Variants in LRRFIP1 observed in about 807,000 individuals in gnomAD.
LRRFIP1 encodes leucine-rich repeat flightless-interacting protein 1.
A neutral mutation model predicts 104.4 loss-of-function variants in LRRFIP1; 62 were observed. That is an observed-to-expected ratio of 0.59 (90% CI 0.48 to 0.73). LRRFIP1 has a LOEUF of 0.73. LRRFIP1 is among the 30% of genes least tolerant of loss of function. The pLI is 0.00. For missense variants in LRRFIP1, 796 were observed against 824.5 expected (o/e 0.97, Z 0.42); for synonymous variants, 300 against 299.0 (o/e 1.00, Z -0.03).
chr2:237,629,541 G>A (rs1269792606), intron 1 of LRRFIP1, among the ~76,000 whole-genome samples: 8 of 143,762 alleles, frequency 5.6e-5, no homozygotes, highest in Non-Finnish European at 7.5e-5. Context: ...GTATGATCTC[G>A]GCTCACTGCA....
intron 1 of LRRFIP1, among the ~76,000 whole-genome samples, chr2:237,646,281 A>G (rs1275624008): frequency 6.6e-6 from 1 of 151,820 alleles, no homozygotes; most frequent in Non-Finnish European, 1.5e-5. Flanking sequence ...GTTCAGGCAT[A>G]CATATGCAGG....
chr2:237,741,783 G>A (rs1295157366), intron 11 of LRRFIP1, among the ~76,000 whole-genome samples: 2 of 151,444 alleles, frequency 1.3e-5, no homozygotes, highest in African/African-American at 2.4e-5. Context: ...AGCTGAGATC[G>A]CACCACTGCA....
chr2:237,653,949 A>G (rs1029503841), intron 1 of LRRFIP1, among the ~76,000 whole-genome samples: 1 of 152,248 alleles, frequency 6.6e-6, no homozygotes, highest in Non-Finnish European at 1.5e-5. Context: ...TCCAAAAACA[A>G]TGATTTTTTT....
At chr2:237,712,673 TCA>T (rs1420137872) in intron 2 of LRRFIP1, among the ~76,000 whole-genome samples, 4 of 152,158 alleles carry the variant, frequency 2.6e-5, no homozygotes, top group East Asian at 1.9e-4. Context: ...GCATGTGCGC[TCA>T]CACACGTGAG....
chr2:237,645,300 C>T (rs1221547362), intron 1 of LRRFIP1, among the ~76,000 whole-genome samples: 1 of 152,190 alleles, frequency 6.6e-6, no homozygotes, highest in Non-Finnish European at 1.5e-5. Context: ...AACTTGAGAG[C>T]AGGGACTGGG....
intron 1 of LRRFIP1, among the ~76,000 whole-genome samples, chr2:237,702,787 G>C (rs1033979397): frequency 6.6e-6 from 1 of 152,142 alleles, no homozygotes; most frequent in African/African-American, 2.4e-5. Flanking sequence ...GGTGGCAGGG[G>C]GAGGGGCTTG....
chr2:237,684,480 A>G (rs533646433), intron 1 of LRRFIP1: 2 of 152,378 alleles, frequency 1.3e-5, no homozygotes, highest in African/African-American at 4.8e-5. Flanking sequence ...TCTCAAAAAA[A>G]ACAAATTGCC....
At chr2:237,680,785 C>T (rs1444526965) in intron 1 of LRRFIP1, among the ~76,000 whole-genome samples, 1 of 152,080 alleles carries the variant, frequency 6.6e-6, no homozygotes, top group Non-Finnish European at 1.5e-5. Flanking sequence ...AGTTGGAGAC[C>T]AACCTGGGCA....
chr2:237,662,039 G>T (rs547515460), intron 1 of LRRFIP1, among the ~76,000 whole-genome samples: 1 of 152,190 alleles, frequency 6.6e-6, no homozygotes, highest in Non-Finnish European at 1.5e-5. Context: ...CACAGTTCCG[G>T]AGACCGGAAG....
intron 1 of LRRFIP1, among the ~76,000 whole-genome samples, chr2:237,690,401 T>C (rs1356364159): frequency 1.3e-5 from 2 of 152,172 alleles, no homozygotes; most frequent in Admixed American, 1.3e-4. Context: ...CCAGAGAACA[T>C]TTAAAATTAT....
intron 1 of LRRFIP1, among the ~76,000 whole-genome samples, chr2:237,665,806 T>C (rs948046800): frequency 1.3e-5 from 2 of 152,216 alleles, no homozygotes; most frequent in Non-Finnish European, 2.9e-5. Context: ...CTGAAGACCC[T>C]CAAGCTGCAG....
chr2:237,734,168 GTTACTATA>G (rs1292395127), intron 9 of LRRFIP1, among the ~76,000 whole-genome samples: 6 of 150,060 alleles, frequency 4.0e-5, no homozygotes, highest in African/African-American at 1.5e-4. Context: ...ACTAATCCAT[GTTACTATA>G]TTACTTTGGA....
Position 237,748,379 on chromosome 2 carries a change from G to T in LRRFIP1, c.649G>T (p.Glu217Ter). The change falls in exon 12 of 24, where the codon GAA becomes TAA. Residue 217 changes from glutamate to a stop codon, truncating the protein, a stop_gained. Transcript: ENST00000308482. LOFTEE classifies it high-confidence loss of function. ...TCGTCTACAGGTAGAAGAGAGACCA[G>T]AAAAAGATTTTACTGAGAAGGTAAG... ...RASPVVEERPEKDFTEKGSRN... is the reference protein window; with the variant it reads ...RASPVVEERP 6.2e-7 allele frequency: 1 copy of T among 1,605,500 alleles called. No homozygotes were observed. The highest frequency in any genetic ancestry group is 1.1e-5 in the South Asian group (1 of 89,540).
chr2:237,700,432 A>G (rs1412770796), intron 1 of LRRFIP1, among the ~76,000 whole-genome samples: 1 of 152,030 alleles, frequency 6.6e-6, no homozygotes, highest in Non-Finnish European at 1.5e-5. Context: ...CATCCTTAAC[A>G]CTTTTCCAAA....
intron 19 of LRRFIP1, chr2:237,765,760 T>G: frequency 1.0e-6 from 1 of 957,452 alleles, no homozygotes; most frequent in Non-Finnish European, 1.2e-6. Context: ...CACAAAGGAA[T>G]GTACCTTATG....
In LRRFIP1 at chr2:237,753,444, G is replaced by A. The variant is rs779891155; in HGVS notation, c.1003G>A (p.Ala335Thr). Reference protein sequence around the residue: ...DMLLELEEQLAESRRQYEEKN... With the variant: ...DMLLELEEQLTESRRQYEEKN... ...GTTGCTGGAGCTTGAAGAACAGCTG[G>A]CTGAATCTAGGCGGCAGTACGAAGA... is the stretch of plus-strand genomic sequence containing the variant. The change falls in exon 15 of 24, where the codon GCT becomes ACT. Residue 335 changes from alanine to threonine, a missense_variant. Physicochemically the swap from Ala to Thr is moderately conservative, Grantham distance 58 (BLOSUM62 0). Transcript: ENST00000308482. 6.3e-7 allele frequency: 1 copy of A among 1,596,508 alleles called. No individual in the cohort carries two copies. Among genetic ancestry groups the A allele is most frequent in the Non-Finnish European group, 8.5e-7 (1 of 1,176,034 alleles).
At chr2:237,764,355 C>A (rs1198023610) in intron 19 of LRRFIP1, 2 of 1,475,470 alleles carry the variant, frequency 1.4e-6, no homozygotes, top group Non-Finnish European at 9.0e-7. Context: ...TATTTGTTAT[C>A]AGTGTACGTT....
chr2:237,644,241 C>T (rs1376293263), intron 1 of LRRFIP1, among the ~76,000 whole-genome samples: 1 of 152,246 alleles, frequency 6.6e-6, no homozygotes, highest in Non-Finnish European at 1.5e-5. Context: ...CCTAAAAAGG[C>T]AATCATTGTG....
intron 1 of LRRFIP1, among the ~76,000 whole-genome samples, chr2:237,657,405 C>T (rs2086998551): frequency 6.6e-6 from 1 of 152,116 alleles, no homozygotes; most frequent in Non-Finnish European, 1.5e-5. Context: ...CCCCAGAAAA[C>T]ATAGAGATAG....
Sources: allele counts gnomAD v4.1 joint callset (sites outside exome capture counted in the v4.1 genomes callset), GRCh38; gene constraint gnomAD v4.1.1; transcripts MANE v1.5; gene names NCBI Gene and HGNC (gene_info 2026-07-23, HGNC 2026-07-21).